CARMIL1: variants seen among roughly 807,000 people sequenced by gnomAD.
The protein encoded by CARMIL1 is F-actin-uncapping protein LRRC16A.
Under a neutral mutation model 177.1 loss-of-function variants are expected in CARMIL1, and 90 were observed. The observed-to-expected ratio is 0.51, with a 90% CI of 0.43 to 0.61. CARMIL1 has a LOEUF of 0.61. Among genes scored for constraint, CARMIL1 ranks in the 20% least tolerant of loss-of-function variants. The probability of loss-of-function intolerance (pLI) is 0.00; values close to 1 mark genes in which losing one functional copy is unlikely to be tolerated. For missense variants in CARMIL1, 1,380 were observed against 1,667.0 expected (o/e 0.83, Z 3.00); for synonymous variants, 577 against 606.2 (o/e 0.95, Z 0.71).
chr6:25,429,341 A>ATTTGTTGTTGTACCTTTTGGCATGTTGTT (rs1796537209), intron 4 of CARMIL1, among the ~76,000 whole-genome samples: 1 of 152,220 alleles, frequency 6.6e-6, no homozygotes, highest in East Asian at 1.9e-4. Context: ...AATGTGGTAC[A>ATTTGTTGTTGTACCTTTTGGCATGTTGTT]CATGCCTTTT....
At chr6:25,289,804 G>A (rs112019084) in intron 2 of CARMIL1, among the ~76,000 whole-genome samples, 337 of 152,286 alleles carry the variant, frequency 2.2e-3, no homozygotes, top group Middle Eastern at 0.017. Flanking sequence ...GATGTACCAC[G>A]TTTGGTTTAG....
At chr6:25,598,395 C>A (rs1815058186) in intron 32 of CARMIL1, among the ~76,000 whole-genome samples, 1 of 151,976 alleles carries the variant, frequency 6.6e-6, no homozygotes, top group Non-Finnish European at 1.5e-5. Flanking sequence ...TGGACCACCC[C>A]TCCCAGCTAA....
intron 2 of CARMIL1, among the ~76,000 whole-genome samples, chr6:25,303,748 A>G (rs1337236243): frequency 1.3e-5 from 2 of 152,254 alleles, no homozygotes; most frequent in South Asian, 2.1e-4. Flanking sequence ...TAACGGGTGA[A>G]CAACACATAA....
chr6:25,327,643 G>A (rs890079496), intron 2 of CARMIL1, among the ~76,000 whole-genome samples: 3 of 151,992 alleles, frequency 2.0e-5, no homozygotes, highest in South Asian at 2.1e-4. Context: ...TTCAACAGCC[G>A]GTCATATTTT....
intron 32 of CARMIL1, among the ~76,000 whole-genome samples, chr6:25,599,235 A>C (rs994248966): frequency 6.6e-6 from 1 of 152,178 alleles, no homozygotes. Context: ...GCGTCTCCTC[A>C]TTCTGGAGCC....
intron 33 of CARMIL1, among the ~76,000 whole-genome samples, chr6:25,603,033 G>A (rs907085874): frequency 6.6e-6 from 1 of 152,006 alleles, no homozygotes; most frequent in African/African-American, 2.4e-5. Context: ...CAGTCACTTT[G>A]GGATTTATAA....
intron 2 of CARMIL1, among the ~76,000 whole-genome samples, chr6:25,311,291 GAC>G: frequency 6.6e-6 from 1 of 152,084 alleles, no homozygotes. Context: ...AAATAAAAAA[GAC>G]ACAGGCACCT....
intron 29 of CARMIL1, among the ~76,000 whole-genome samples, chr6:25,567,495 CAT>C (rs1159107432): frequency 2.0e-5 from 3 of 152,174 alleles, no homozygotes; most frequent in Non-Finnish European, 4.4e-5. Flanking sequence ...ACATATAACA[CAT>C]GTGATCCTTC....
intron 16 of CARMIL1, among the ~76,000 whole-genome samples, chr6:25,496,392 C>T (rs1464972071): frequency 2.0e-5 from 3 of 149,416 alleles, no homozygotes; most frequent in South Asian, 4.3e-4. Flanking sequence ...GTGGGAGAAT[C>T]GCTTGAACCC....
At chr6:25,321,667 ATT>A (rs11321101) in intron 2 of CARMIL1, among the ~76,000 whole-genome samples, 19 of 148,222 alleles carry the variant, frequency 1.3e-4, no homozygotes, top group East Asian at 2.0e-4. Context: ...ATTTAATTTA[ATT>A]TTTTTTTTTT....
In CARMIL1 at chr6:25,452,219, C is replaced by T. The variant is rs756946992; in HGVS notation, c.614+1508C>T. 3.9e-6 allele frequency: 3 copies of T among 763,450 alleles called. No individual in the cohort carries two copies. In the Admixed American group the frequency reaches 5.1e-5, roughly 13 times the overall value. The allele number at this position is 763,450 out of a possible 1,614,324, so 47.3% of individuals were successfully genotyped here. A position where few individuals can be genotyped will look rare whatever the true frequency, so the allele number is the denominator to read the frequency against. On this transcript the variant is annotated intron_variant, in intron 8 of 36. Coordinates refer to ENST00000329474, the MANE Select transcript of CARMIL1 (RefSeq NM_017640.6). ...TGATGGGCCTAAAGCCTCCAGTTCTCAGGCAATTTTTTTTTTTTCCTGCTT... is the reference window on the plus strand; with the variant it reads ...TGATGGGCCTAAAGCCTCCAGTTCTTAGGCAATTTTTTTTTTTTCCTGCTT...
intron 29 of CARMIL1, among the ~76,000 whole-genome samples, chr6:25,566,465 G>A (rs751998083): frequency 3.3e-5 from 5 of 152,164 alleles, no homozygotes; most frequent in Admixed American, 6.5e-5. Flanking sequence ...CCACCAACTT[G>A]TCCCATGGCT....
chr6:25,515,676 C>CTCTGCAGT lies in CARMIL1; in HGVS notation c.1635_1642dup (p.Ser548PhefsTer29). ...TGCCGTGTGTCATTTGCTCCGCAGC[C>CTCTGCAGT]TCTGCAGTCCTTGTCCCTGGCTGAC... On this transcript the variant is annotated frameshift_variant and splice_region_variant, in exon 21 of 37. Transcript: ENST00000329474. LOFTEE classifies it high-confidence loss of function. The surrounding 1 kb of genome is among the most constrained non-coding windows in gnomAD (Gnocchi z 5.0). 6.3e-7 allele frequency: 1 copy of CTCTGCAGT among 1,599,744 alleles called. No individual in the cohort carries two copies. Among genetic ancestry groups the CTCTGCAGT allele is most frequent in the Non-Finnish European group, 8.5e-7 (1 of 1,173,272 alleles).
At chr6:25,304,360 C>T (rs1403034712) in intron 2 of CARMIL1, among the ~76,000 whole-genome samples, 1 of 152,110 alleles carries the variant, frequency 6.6e-6, no homozygotes, top group Admixed American at 6.5e-5. Flanking sequence ...ACTAGGATGT[C>T]CTATAGAACA....
Position 25,505,605 on chromosome 6 carries a change from C to T in CARMIL1, c.1396-4051C>T, listed in dbSNP as rs115898665. ...GTAGCTGGGATTACAGGCATATGCC[C>T]CTGTGTCTGGCTAATTTTTATATTA... On this transcript the variant is annotated intron_variant, in intron 17 of 36. Transcript: ENST00000329474. 2.9e-3 allele frequency among the ~76,000 whole-genome samples: 437 copies of T among 152,068 alleles called. 1 individual carries two copies. The highest frequency in any genetic ancestry group is 6.8e-3 in the Middle Eastern group (2 of 294).
chr6:25,560,651 C>G (rs1287979186), intron 29 of CARMIL1, among the ~76,000 whole-genome samples: 1 of 152,162 alleles, frequency 6.6e-6, no homozygotes, highest in Non-Finnish European at 1.5e-5. Flanking sequence ...TAACCAAAGG[C>G]AGGCAGTTTG....
At chr6:25,403,516 C>G (rs1794072947) in intron 2 of CARMIL1, among the ~76,000 whole-genome samples, 1 of 152,190 alleles carries the variant, frequency 6.6e-6, no homozygotes, top group Non-Finnish European at 1.5e-5. Context: ...TCACCCCCAC[C>G]TTATCACCCC....
At chr6:25,493,631 C>T (rs1379442172) in intron 15 of CARMIL1, among the ~76,000 whole-genome samples, 1 of 152,158 alleles carries the variant, frequency 6.6e-6, no homozygotes, top group Non-Finnish European at 1.5e-5. Context: ...GCTCCCAAGG[C>T]TTCTCTCTGG....
Position 25,510,493 on chromosome 6 carries a change from C to T in CARMIL1, c.1478-14C>T. ...CATGTGTTTTGATGTTCTACTTACT[C>T]TGATTCTTTCCAGGTTTAGAATCTG... On this transcript the variant is annotated splice_polypyrimidine_tract_variant and intron_variant, in intron 18 of 36. Transcript: ENST00000329474. 1 of 1,445,450 alleles carries T rather than the reference C, an allele frequency of 6.9e-7. No homozygotes were observed. Among genetic ancestry groups the T allele is most frequent in the Non-Finnish European group, 9.4e-7 (1 of 1,058,364 alleles). 89.5% of individuals were successfully genotyped at this position (1,445,450 alleles called of 1,614,324 possible).
Sources: allele counts gnomAD v4.1 joint callset (sites outside exome capture counted in the v4.1 genomes callset), GRCh38; gene constraint gnomAD v4.1.1; non-coding constraint Gnocchi (gnomAD v3.1); transcripts MANE v1.5; gene names NCBI Gene and HGNC (gene_info 2026-07-23, HGNC 2026-07-21).